The following SUPT3H variants were observed in gnomAD, a reference collection of about 807,000 sequenced individuals.
SUPT3H encodes transcription initiation protein SPT3 homolog.
A neutral mutation model predicts 44.3 loss-of-function variants in SUPT3H; 44 were observed. The observed-to-expected ratio is 0.99, with a 90% confidence interval of 0.78 to 1.28. The LOEUF is 1.28. SUPT3H is among the 50% of genes most tolerant of loss of function. SUPT3H has a pLI of 0.00. For missense variants in SUPT3H, 380 were observed against 387.1 expected (o/e 0.98, Z 0.15); for synonymous variants, 124 against 125.6 (o/e 0.99, Z 0.09).
intron 10 of SUPT3H, among the ~76,000 whole-genome samples, chr6:44,905,158 A>G (rs1015951415): frequency 1.3e-5 from 2 of 152,152 alleles, no homozygotes. Context: ...ACAGAAGCCA[A>G]AATTGACAAA....
At chr6:44,861,578 G>GGTTTCACCATGTTGGTCA (rs1434132904) in intron 10 of SUPT3H, among the ~76,000 whole-genome samples, 1 of 151,986 alleles carries the variant, frequency 6.6e-6, no homozygotes, top group Non-Finnish European at 1.5e-5. Context: ...GTAGAAACAG[G>GGTTTCACCATGTTGGTCA]GTTTCACCAT....
intron 3 of SUPT3H, among the ~76,000 whole-genome samples, chr6:45,028,450 ATTT>A (rs34404703): frequency 6.8e-6 from 1 of 147,960 alleles, no homozygotes; most frequent in African/African-American, 2.5e-5. Context: ...AAGCTTTCAG[ATTT>A]TTTTTTTTTT....
At chr6:44,896,732 C>A (rs1764184564) in intron 10 of SUPT3H, among the ~76,000 whole-genome samples, 1 of 152,066 alleles carries the variant, frequency 6.6e-6, no homozygotes. Flanking sequence ...GTATAAAATT[C>A]CTCTAGGGTA....
intron 10 of SUPT3H, among the ~76,000 whole-genome samples, chr6:44,886,767 A>T (rs954921721): frequency 3.9e-5 from 6 of 152,138 alleles, no homozygotes; most frequent in African/African-American, 1.2e-4. Context: ...ACACATAACA[A>T]TATTAACTTT....
intron 3 of SUPT3H, among the ~76,000 whole-genome samples, chr6:45,040,861 G>A (rs1788423829): frequency 6.6e-6 from 1 of 152,144 alleles, no homozygotes; most frequent in Non-Finnish European, 1.5e-5. Flanking sequence ...CTTCTCTTGA[G>A]AGATTTGTCC....
At chr6:44,989,159 A>C (rs1033716900) in intron 6 of SUPT3H, among the ~76,000 whole-genome samples, 4 of 152,130 alleles carry the variant, frequency 2.6e-5, no homozygotes, top group African/African-American at 9.7e-5. Flanking sequence ...TGATATCCCA[A>C]GGAAATAAAA....
At chr6:45,376,971 C>T (rs1448707671) in intron 1 of SUPT3H, among the ~76,000 whole-genome samples, 1 of 151,664 alleles carries the variant, frequency 6.6e-6, no homozygotes, top group Non-Finnish European at 1.5e-5. Context: ...TGGAGAAATG[C>T]TAATTTATCC....
At chr6:45,368,040 G>A (rs1795445158) in intron 1 of SUPT3H, among the ~76,000 whole-genome samples, 1 of 151,976 alleles carries the variant, frequency 6.6e-6, no homozygotes, top group Non-Finnish European at 1.5e-5. Context: ...CATTAAAAAA[G>A]AAAAGTCTGT....
At chr6:45,065,494 A>G (rs377050394) in intron 3 of SUPT3H, among the ~76,000 whole-genome samples, 1 of 151,296 alleles carries the variant, frequency 6.6e-6, no homozygotes, top group Admixed American at 6.6e-5. Flanking sequence ...GACACAAAAA[A>G]CCCTTCAAAA....
intron 6 of SUPT3H, among the ~76,000 whole-genome samples, chr6:44,966,405 T>G (rs917670840): frequency 8.7e-5 from 13 of 150,266 alleles, no homozygotes; most frequent in Non-Finnish European, 1.6e-4. Context: ...TAAAATAAAA[T>G]TTATAAAATA....
intron 10 of SUPT3H, among the ~76,000 whole-genome samples, chr6:44,904,486 A>G (rs1765648743): frequency 6.6e-6 from 1 of 152,238 alleles, no homozygotes; most frequent in Non-Finnish European, 1.5e-5. Context: ...CTCTTCAAGG[A>G]GAAGTACAAA....
At chr6:45,253,354 A>G (rs891810613) in intron 2 of SUPT3H, among the ~76,000 whole-genome samples, 9 of 152,202 alleles carry the variant, frequency 5.9e-5, no homozygotes, top group African/African-American at 2.2e-4. Context: ...GTAGACAACA[A>G]TGATCTGATA....
intron 10 of SUPT3H, among the ~76,000 whole-genome samples, chr6:44,880,530 C>G (rs998234542): frequency 6.6e-6 from 1 of 152,122 alleles, no homozygotes; most frequent in Non-Finnish European, 1.5e-5. Context: ...GAGAACTTCC[C>G]CAGCCTAGCA....
chr6:44,961,923 T>C lies in SUPT3H; in HGVS notation c.505-95A>G, dbSNP rs1232145995. The C allele has an allele frequency of 3.2e-6, 3 of 937,088 alleles. No individual in the cohort carries two copies. In the African/African-American group the frequency reaches 5.0e-5, roughly 16 times the overall value. 58.0% of individuals were successfully genotyped at this position (937,088 alleles called of 1,614,324 possible). On this transcript the variant is annotated intron_variant, in intron 6 of 10. Transcript: ENST00000371459. The stretch of plus-strand genomic sequence containing the variant: ...TTAGAATTGAAGTACCATTTTCCTT[T>C]CCTTATTCCAGGTGAACAGGGTAGT...
At chr6:45,270,010 A>G (rs1360046742) in intron 2 of SUPT3H, among the ~76,000 whole-genome samples, 1 of 152,140 alleles carries the variant, frequency 6.6e-6, no homozygotes, top group Non-Finnish European at 1.5e-5. Context: ...CCTATTCTAG[A>G]TATTACAAAT....
downstream of SUPT3H, among the ~76,000 whole-genome samples, chr6:44,821,772 A>C (rs143844305): frequency 2.1e-3 from 327 of 152,298 alleles, 1 homozygote; most frequent in African/African-American, 7.5e-3. Flanking sequence ...AAGCCCTCAA[A>C]TCCACGTTAA....
At chr6:45,323,012 T>C (rs1394221759) in intron 2 of SUPT3H, 12 of 1,213,248 alleles carry the variant, frequency 9.9e-6, no homozygotes, top group African/African-American at 3.0e-5. Flanking sequence ...TCATCCTTAA[T>C]AGAGATACAG....
intron 3 of SUPT3H, among the ~76,000 whole-genome samples, chr6:45,105,201 C>T (rs575472215): frequency 6.6e-6 from 1 of 152,006 alleles, no homozygotes; most frequent in South Asian, 2.1e-4. Flanking sequence ...ACTGAGTTCC[C>T]ATTTGAAAAA....
In SUPT3H at chr6:45,183,375, C is replaced by T. The variant is rs551984119; in HGVS notation, c.102-77369G>A. 8.5e-5 allele frequency among the ~76,000 whole-genome samples: 13 copies of T among 152,106 alleles called. No homozygotes were observed. The South Asian group carries it at 2.7e-3, about 32-fold the overall frequency. ...GTTTCTGTTAGCTATTGTGTTAGTC[C>T]GTCTTCACGATGCATAAGTAATGTA... On this transcript the variant is annotated intron_variant, in intron 2 of 10. Transcript: ENST00000371459.
Sources: allele counts gnomAD v4.1 joint callset (sites outside exome capture counted in the v4.1 genomes callset), GRCh38; gene constraint gnomAD v4.1.1; transcripts MANE v1.5; gene names NCBI Gene and HGNC (gene_info 2026-07-23, HGNC 2026-07-21).